SEC23IP: variants seen among roughly 807,000 people sequenced by gnomAD.
SEC23IP encodes SEC23-interacting protein.
In SEC23IP, 70 loss-of-function variants were observed where a neutral mutation model predicts 113.4. The ratio of observed to expected loss-of-function variants is 0.62; its 90% CI spans 0.51 to 0.75. The LOEUF (loss-of-function observed/expected upper bound fraction) is 0.75. Ranked by LOEUF, SEC23IP falls within the 30% of genes least tolerant of loss-of-function variation. The probability of loss-of-function intolerance (pLI) is 0.00; values close to 1 mark genes in which losing one functional copy is unlikely to be tolerated. For synonymous variants in SEC23IP, 398 were observed against 421.0 expected, an observed-to-expected ratio of 0.95 and a Z score of 0.67; for missense variants, 1,160 against 1,204.9, an observed-to-expected ratio of 0.96 and a Z score of 0.55.
At chr10:119,926,716 T>C (rs34409912) in intron 13 of SEC23IP, among the ~76,000 whole-genome samples, 8,332 of 152,280 alleles carry the variant, frequency 0.055, 430 homozygotes, top group South Asian at 0.27. Context: ...AAAATCCTTT[T>C]AGACAGTGTT....
chr10:119,907,236 C>A (rs548205815), intron 4 of SEC23IP, among the ~76,000 whole-genome samples: 1 of 151,262 alleles, frequency 6.6e-6, no homozygotes, highest in Non-Finnish European at 1.5e-5. Context: ...GCGGAGGTTG[C>A]GGTGAGCTGA....
At chr10:119,905,562 G>C (rs1196595059) in intron 4 of SEC23IP, among the ~76,000 whole-genome samples, 1 of 152,176 alleles carries the variant, frequency 6.6e-6, no homozygotes, top group African/African-American at 2.4e-5. Flanking sequence ...GAGGAGGTTA[G>C]GAAGTGAGAA....
In SEC23IP at chr10:119,929,621, C is replaced by T. The variant is rs775788633; in HGVS notation, c.2328C>T (p.Tyr776=). ...EVGAGQVSVA[Y]NSLDFEPEIF... Reference sequence around the variant, plus strand: ...ATTCTTTCCAGGTTTCTGTTGCTTACAACTCATTAGATTTTGAACCAGAGA... The same window carrying T: ...ATTCTTTCCAGGTTTCTGTTGCTTATAACTCATTAGATTTTGAACCAGAGA... The change falls in exon 14 of 19, where the codon TAC becomes TAT. Residue 776 remains tyrosine (Y), a synonymous_variant. Coordinates refer to ENST00000369075, the MANE Select transcript of SEC23IP (RefSeq NM_007190.4). The T allele has an allele frequency of 1.2e-6, 2 of 1,609,898 alleles. No individual in the cohort carries two copies. The highest frequency in any genetic ancestry group is 3.3e-5 in the Admixed American group (2 of 59,872).
intron 13 of SEC23IP, among the ~76,000 whole-genome samples, chr10:119,927,177 C>T (rs1295421939): frequency 6.6e-6 from 1 of 152,224 alleles, no homozygotes; most frequent in Non-Finnish European, 1.5e-5. Context: ...GGATTACAGG[C>T]ATGAGCTACT....
intron 2 of SEC23IP, 22 bp from the exon 3 acceptor site, chr10:119,902,777 T>A (rs879424966): frequency 1.2e-6 from 2 of 1,607,144 alleles, no homozygotes; most frequent in Non-Finnish European, 1.7e-6. Context: ...CATGACAGTC[T>A]TAACTTTGCC....
At chr10:119,931,247 T>A (rs1300053825) in intron 15 of SEC23IP, among the ~76,000 whole-genome samples, 2 of 134,914 alleles carry the variant, frequency 1.5e-5, no homozygotes, top group Admixed American at 8.3e-5. Context: ...GCTACTGCAC[T>A]CCAGTCTCCG....
At chr10:119,892,975 G>A in intron 1 of SEC23IP, 30 bp downstream of exon 1, 1 of 1,593,218 alleles carries the variant, frequency 6.3e-7, no homozygotes, top group Non-Finnish European at 8.5e-7. Context: ...CCCGTGTGTG[G>A]TGGGAGGCGG....
intron 4 of SEC23IP, among the ~76,000 whole-genome samples, chr10:119,906,208 G>C (rs1355927228): frequency 1.3e-5 from 2 of 151,344 alleles, no homozygotes; most frequent in Admixed American, 6.6e-5. Context: ...CTTGAGCCTG[G>C]GATCTTGAGG....
At chr10:119,930,524 A>G (rs1855563136) in intron 15 of SEC23IP, 93 bp downstream of exon 15, 1 of 670,024 alleles carries the variant, frequency 1.5e-6, no homozygotes, top group Non-Finnish European at 2.6e-6. Flanking sequence ...CTCTGAGAGA[A>G]TTAATATTAT....
chr10:119,938,876 A>G (rs1053200147), intron 18 of SEC23IP, among the ~76,000 whole-genome samples: 1 of 152,232 alleles, frequency 6.6e-6, no homozygotes, highest in Non-Finnish European at 1.5e-5. Context: ...AGTTTCTAAT[A>G]CTATACTAAT....
chr10:119,902,307 G>A (rs1023185111), intron 2 of SEC23IP, among the ~76,000 whole-genome samples: 2 of 152,106 alleles, frequency 1.3e-5, no homozygotes, highest in African/African-American at 2.4e-5. Context: ...GCATTGCGCC[G>A]TTGCACTCCA....
intron 12 of SEC23IP, among the ~76,000 whole-genome samples, chr10:119,925,775 C>T (rs752059858): frequency 2.2e-4 from 34 of 152,108 alleles, no homozygotes; most frequent in African/African-American, 4.1e-4. Flanking sequence ...CTCCTGGTCT[C>T]GAGCTATCCT....
At chr10:119,935,165 TAA>T (rs1215944221) in intron 18 of SEC23IP, among the ~76,000 whole-genome samples, 1 of 151,904 alleles carries the variant, frequency 6.6e-6, no homozygotes, top group Non-Finnish European at 1.5e-5. Context: ...TTTTCTTTTT[TAA>T]AAGACAAAAG....
chr10:119,930,491 T>C (rs766170343), intron 15 of SEC23IP, 60 bp downstream of exon 15: 19 of 988,146 alleles, frequency 1.9e-5, no homozygotes, highest in Non-Finnish European at 2.7e-5. Flanking sequence ...TAATGAATTA[T>C]GAAAATTTTG....
intron 12 of SEC23IP, among the ~76,000 whole-genome samples, chr10:119,924,843 G>T (rs965395605): frequency 6.6e-6 from 1 of 151,876 alleles, no homozygotes; most frequent in Non-Finnish European, 1.5e-5. Flanking sequence ...AGTGGCGCAC[G>T]CATGGCTCAC....
At chr10:119,913,771 C>T (rs562239232) in intron 6 of SEC23IP, among the ~76,000 whole-genome samples, 5 of 151,926 alleles carry the variant, frequency 3.3e-5, no homozygotes, top group African/African-American at 9.6e-5. Flanking sequence ...GAATTACAGG[C>T]GTGAGCCACC....
intron 18 of SEC23IP, among the ~76,000 whole-genome samples, chr10:119,937,669 T>C (rs1855842432): frequency 6.6e-6 from 1 of 152,046 alleles, no homozygotes; most frequent in Non-Finnish European, 1.5e-5. Flanking sequence ...CAGTCTTTTA[T>C]GATTAATTAT....
At chr10:119,899,073 T>C (rs1159657414) in intron 2 of SEC23IP, 114 bp downstream of exon 2, 1 of 925,476 alleles carries the variant, frequency 1.1e-6, no homozygotes, top group Non-Finnish European at 1.6e-6. Flanking sequence ...ACAAATTAGT[T>C]TCAGAGGGTA....
In SEC23IP at chr10:119,892,744, G is replaced by C. The variant is rs1316496211; in HGVS notation, c.-39G>C. On this transcript the variant is annotated 5_prime_UTR_variant, in exon 1 of 19. Coordinates refer to ENST00000369075, the MANE Select transcript of SEC23IP (RefSeq NM_007190.4). ...GGTTTCCGGTCAGTGGTGTGGTACC[G>C]GGTACCCGGAGACGTGTATCGGACG... is the stretch of plus-strand genomic sequence containing the variant. The C allele has an allele frequency of 1.3e-6, 2 of 1,568,988 alleles. No individual in the cohort carries two copies. The highest frequency in any genetic ancestry group is 3.6e-5 in the Admixed American group (2 of 54,818).
Sources: allele counts gnomAD v4.1 joint callset (sites outside exome capture counted in the v4.1 genomes callset), GRCh38; gene constraint gnomAD v4.1.1; transcripts MANE v1.5; gene names NCBI Gene and HGNC (gene_info 2026-07-23, HGNC 2026-07-21).